PACRGL: variants seen among roughly 807,000 people sequenced by gnomAD.
PACRGL encodes PACRG-like protein.
In PACRGL, 38 loss-of-function variants were observed where a neutral mutation model predicts 34.5. The ratio of observed to expected loss-of-function variants is 1.10; its 90% CI spans 0.85 to 1.44. The LOEUF is 1.44. Ranked by LOEUF, PACRGL falls within the 40% of genes most tolerant of loss-of-function variation. The pLI, the probability that PACRGL is intolerant of heterozygous loss-of-function variation, is 0.00. For synonymous variants in PACRGL, 128 were observed against 100.1 expected, an observed-to-expected ratio of 1.28 and a Z score of -1.66; for missense variants, 305 against 281.4, an observed-to-expected ratio of 1.08 and a Z score of -0.60.
chr4:20,701,318 T>C (rs564444682), intron 1 of PACRGL, among the ~76,000 whole-genome samples: 1 of 152,312 alleles, frequency 6.6e-6, no homozygotes, highest in East Asian at 1.9e-4. Flanking sequence ...AGATGACCTG[T>C]AGCAACCAAG....
intron 1 of PACRGL, 146 bp downstream of exon 1, chr4:20,700,933 G>C (rs1402951863): frequency 6.6e-6 from 1 of 152,156 alleles, no homozygotes; most frequent in African/African-American, 2.4e-5. Flanking sequence ...GGGTGGCTGG[G>C]AAGGTGGAAA....
chr4:20,713,331 C>T (rs1421015498), intron 6 of PACRGL, 101 bp from the exon 7 acceptor site: 7 of 805,842 alleles, frequency 8.7e-6, no homozygotes, highest in East Asian at 7.9e-5. Flanking sequence ...TAATCTTATC[C>T]TTTTCTCTAC....
At chr4:20,724,719 A>G (rs1744885846) in intron 7 of PACRGL, 89 bp from the exon 8 acceptor site, 9 of 597,646 alleles carry the variant, frequency 1.5e-5, no homozygotes, top group Non-Finnish European at 2.3e-5. Flanking sequence ...AATCTAAAAC[A>G]AGGGGTGCTC....
the PACRGL span, among the ~76,000 whole-genome samples, chr4:20,760,693 T>C: frequency 6.6e-6 from 1 of 152,142 alleles, no homozygotes; most frequent in Non-Finnish European, 1.5e-5. Flanking sequence ...AGCACTTTGT[T>C]ACACACTAAG....
chr4:20,718,663 T>TC (rs1741375249), intron 7 of PACRGL, among the ~76,000 whole-genome samples: 1 of 152,260 alleles, frequency 6.6e-6, no homozygotes, highest in Non-Finnish European at 1.5e-5. Context: ...CAGCCTTGCA[T>TC]CCCAGGGATG....
upstream of PACRGL, among the ~76,000 whole-genome samples, chr4:20,697,396 A>G (rs553335458): frequency 6.6e-6 from 1 of 152,310 alleles, no homozygotes; most frequent in Admixed American, 6.5e-5. Flanking sequence ...TAATTTTTTC[A>G]CAAGTCAATG....
intron 3 of PACRGL, among the ~76,000 whole-genome samples, chr4:20,706,741 G>T (rs1031327265): frequency 6.6e-6 from 1 of 151,838 alleles, no homozygotes; most frequent in Non-Finnish European, 1.5e-5. Flanking sequence ...ATCCTGGCTA[G>T]TTTTTTGTAT....
At chr4:20,764,342 A>AT in the PACRGL span, among the ~76,000 whole-genome samples, 1 of 152,096 alleles carries the variant, frequency 6.6e-6, no homozygotes, top group African/African-American at 2.4e-5. Context: ...TATCCTGAAC[A>AT]TTTTTTACAT....
chr4:20,718,633 T>A (rs539425857), intron 7 of PACRGL, among the ~76,000 whole-genome samples: 5 of 152,364 alleles, frequency 3.3e-5, no homozygotes, highest in South Asian at 2.1e-4. Context: ...ATTACATTTA[T>A]TAATTTGCAT....
intron 1 of PACRGL, chr4:20,701,865 A>G (rs1172728528): frequency 2.2e-6 from 1 of 456,474 alleles, no homozygotes; most frequent in African/African-American, 2.0e-5. Context: ...ACGGAGAGCC[A>G]ACTGTAATTT....
At chr4:20,754,584 A>G (rs1345586471), downstream of PACRGL, among the ~76,000 whole-genome samples, 4 of 152,248 alleles carry the variant, frequency 2.6e-5, no homozygotes, top group East Asian at 7.7e-4. Flanking sequence ...AAAGCAAATC[A>G]TAATTCTTTA....
chr4:20,707,522 T>C (rs1172040718), intron 3 of PACRGL, among the ~76,000 whole-genome samples: 2 of 152,212 alleles, frequency 1.3e-5, no homozygotes, highest in African/African-American at 2.4e-5. Flanking sequence ...CATAGAGTCC[T>C]CACCTTGAAA....
intron 7 of PACRGL, among the ~76,000 whole-genome samples, chr4:20,723,981 A>G (rs750423315): frequency 2.0e-5 from 3 of 151,898 alleles, no homozygotes; most frequent in Non-Finnish European, 4.4e-5. Context: ...CAAAGCCTTC[A>G]TTTTTATGGG....
Position 20,731,550 on chromosome 4 carries a change from G to T in PACRGL, c.*4209G>T. 1.0e-6 allele frequency: 1 copy of T among 985,362 alleles called. No homozygotes were observed. Among genetic ancestry groups the T allele is most frequent in the Non-Finnish European group, 1.2e-6 (1 of 829,912 alleles). 61.0% of individuals were successfully genotyped at this position (985,362 alleles called of 1,614,324 possible). A position where few individuals can be genotyped will look rare whatever the true frequency, so the allele number is the denominator to read the frequency against. On this transcript the variant is annotated 3_prime_UTR_variant, in exon 9 of 9. Coordinates refer to ENST00000503585, the MANE Select transcript of PACRGL (RefSeq NM_001258345.3). ...GAGTTCAGTCAAAGAGCCATTTCTT[G>T]TCCACATACACTAAAACAATGACTT... is the stretch of plus-strand genomic sequence containing the variant.
chr4:20,707,654 A>T (rs981143964), intron 3 of PACRGL, 149 bp from the exon 4 acceptor site: 10 of 680,698 alleles, frequency 1.5e-5, no homozygotes, highest in Non-Finnish European at 2.6e-5. Context: ...GTATTCTAGT[A>T]GAGAGAGGAT....
At chr4:20,758,340 G>A in the PACRGL span, among the ~76,000 whole-genome samples, 1 of 152,110 alleles carries the variant, frequency 6.6e-6, no homozygotes, top group Non-Finnish European at 1.5e-5. Context: ...AATATACAAG[G>A]GGAGGCTGCA....
At chr4:20,752,127 C>T (rs955406064) in intron 8 of PACRGL, among the ~76,000 whole-genome samples, 20 of 144,974 alleles carry the variant, frequency 1.4e-4, no homozygotes, top group African/African-American at 4.6e-4. Flanking sequence ...GGCACGATCT[C>T]GGGTCACTGC....
rs184795137 is a variant in PACRGL at position 20,739,883 on chromosome 4, G to A, written c.*56+12486G>A. On this transcript the variant is annotated intron_variant, in intron 8 of 8. Transcript: ENST00000507634. ...CGAATGGCTGACTAGAATAAACAGCGTAGAGAAGACCTTAAATGACCTGAC... is the reference window on the plus strand; with the variant it reads ...CGAATGGCTGACTAGAATAAACAGCATAGAGAAGACCTTAAATGACCTGAC... 6.1e-3 allele frequency among the ~76,000 whole-genome samples: 933 copies of A among 152,252 alleles called. 12 individuals are homozygous for A. The highest frequency in any genetic ancestry group is 0.047 in the South Asian group (226 of 4,832).
intron 7 of PACRGL, among the ~76,000 whole-genome samples, chr4:20,717,714 C>T (rs932050734): frequency 3.9e-5 from 6 of 152,274 alleles, no homozygotes; most frequent in African/African-American, 1.4e-4. Flanking sequence ...GGTACCAGTA[C>T]CATGCTGTTC....
Sources: gnomAD v4.1 joint callset for allele counts (sites outside exome capture counted in the v4.1 genomes callset) on GRCh38, gnomAD v4.1.1 for gene constraint, MANE v1.5 for transcripts, NCBI Gene and HGNC (gene_info 2026-07-23, HGNC 2026-07-21) for gene names.